SLIT2: variants seen among roughly 807,000 people sequenced by gnomAD.
The protein encoded by SLIT2 is slit homolog 2 protein.
A neutral mutation model predicts 185.7 loss-of-function variants in SLIT2; 41 were observed. The ratio of observed to expected loss-of-function variants is 0.22; its 90% CI spans 0.17 to 0.29. The LOEUF (loss-of-function observed/expected upper bound fraction) is 0.29. Ranked by LOEUF, SLIT2 falls within the 10% of genes least tolerant of loss-of-function variation. The pLI, the probability that SLIT2 is intolerant of heterozygous loss-of-function variation, is 1.00. For missense variants in SLIT2, 1,571 were observed against 1,909.0 expected (o/e 0.82, Z 3.30); for synonymous variants, 693 against 680.2 (o/e 1.02, Z -0.29).
At chr4:20,436,348 G>A (rs925114530) in intron 4 of SLIT2, among the ~76,000 whole-genome samples, 2 of 152,138 alleles carry the variant, frequency 1.3e-5, no homozygotes, top group Admixed American at 6.5e-5. Flanking sequence ...TCCTTCTACC[G>A]TATTTCCATG....
At chr4:20,370,659 A>G (rs1209479682) in intron 4 of SLIT2, among the ~76,000 whole-genome samples, 1 of 152,000 alleles carries the variant, frequency 6.6e-6, no homozygotes, top group African/African-American at 2.4e-5. Context: ...ATCATTCTCC[A>G]TTTCCCAAAT....
At chr4:20,480,926 T>C in intron 6 of SLIT2, 139 bp downstream of exon 6, 1 of 666,608 alleles carries the variant, frequency 1.5e-6, no homozygotes, top group Admixed American at 2.5e-5. Context: ...TCATGGTGAA[T>C]ACAGAGAAGA....
At chr4:20,255,388 C>A (rs1009615207) in intron 1 of SLIT2, among the ~76,000 whole-genome samples, 1 of 152,210 alleles carries the variant, frequency 6.6e-6, no homozygotes, top group Non-Finnish European at 1.5e-5. Context: ...TCCTTTCTCA[C>A]CTCTCCGAGC....
Position 20,315,688 on chromosome 4 carries a change from A to G in SLIT2, c.395+46807A>G, listed in dbSNP as rs562593602. On this transcript the variant is annotated intron_variant, in intron 4 of 36. Transcript: ENST00000504154. ...AATTTCAAGCTGTTAAAAATGTTCT[A>G]TTTAGGGTAGCATTGGCATATGTCT... Among the ~76,000 whole-genome samples the G allele has an allele frequency of 7.9e-5, 12 of 152,190 alleles. No homozygotes were observed. In the South Asian group the frequency reaches 2.3e-3, roughly 29 times the overall value.
At position 20,616,896 on chromosome 4, in the gene SLIT2, G is replaced by A. The variant is rs747067128; in HGVS notation, c.3848-14G>A. 1 of 1,578,226 alleles carries A rather than the reference G, an allele frequency of 6.3e-7. No homozygotes were observed. The highest frequency in any genetic ancestry group is 1.1e-5 in the South Asian group (1 of 87,186). On this transcript the variant is annotated splice_polypyrimidine_tract_variant and intron_variant, in intron 34 of 36. Transcript: ENST00000504154. ...CCCAGAGAGCCTGACCTCTGACCTG[G>A]TGTTCCTCCCCAGGCATGCCAGGGA...
chr4:20,525,225 TAA>T, intron 15 of SLIT2, 53 bp downstream of exon 15: 11 of 1,344,268 alleles, frequency 8.2e-6, no homozygotes, highest in Non-Finnish European at 1.2e-5. Flanking sequence ...CCTCACCTTA[TAA>T]AATATAGCTT....
At position 20,528,209 on chromosome 4, in the gene SLIT2, T is replaced by C; in HGVS notation, c.1463-740T>C. On this transcript the variant is annotated intron_variant, in intron 15 of 36. Transcript: ENST00000504154. The surrounding 1 kb of genome is among the most constrained non-coding windows in gnomAD (Gnocchi z 4.2). ...AACAGTATTACGTTTCCAGAACGTC[T>C]GTAGCTTTTCTCCTCCTTCCCTCCA... 1.9e-6 allele frequency: 1 copy of C among 531,252 alleles called. No individual in the cohort carries two copies. The allele number at this position is 531,252 out of a possible 1,614,324, so 32.9% of individuals were successfully genotyped here.
chr4:20,352,052 T>G (rs1721923277), intron 4 of SLIT2, among the ~76,000 whole-genome samples: 1 of 152,208 alleles, frequency 6.6e-6, no homozygotes, highest in African/African-American at 2.4e-5. Flanking sequence ...TGCTGCTTGT[T>G]AAATAGATTC....
At chr4:20,518,746 A>G (rs1422898435) in intron 11 of SLIT2, among the ~76,000 whole-genome samples, 2 of 141,036 alleles carry the variant, frequency 1.4e-5, no homozygotes, top group Non-Finnish European at 3.1e-5. Context: ...CTGGGACTAC[A>G]GGCGCCCGCC....
chr4:20,372,572 G>A (rs972759093), intron 4 of SLIT2, among the ~76,000 whole-genome samples: 1 of 151,834 alleles, frequency 6.6e-6, no homozygotes, highest in African/African-American at 2.4e-5. Context: ...GTGTTCTATA[G>A]CATGGATCCT....
chr4:20,285,940 C>G (rs981622429), intron 4 of SLIT2, among the ~76,000 whole-genome samples: 3 of 152,176 alleles, frequency 2.0e-5, no homozygotes, highest in Non-Finnish European at 4.4e-5. Flanking sequence ...AGTTGTGTAG[C>G]TCTCATAAAA....
intron 19 of SLIT2, among the ~76,000 whole-genome samples, chr4:20,540,291 G>GA (rs569255349): frequency 1.2e-3 from 157 of 133,352 alleles, no homozygotes; most frequent in Admixed American, 1.7e-3. Flanking sequence ...CCATCTCAAG[G>GA]AAAAAAAAAA....
intron 4 of SLIT2, among the ~76,000 whole-genome samples, chr4:20,339,175 A>T (rs1374292461): frequency 1.3e-5 from 2 of 151,846 alleles, no homozygotes; most frequent in East Asian, 3.9e-4. Context: ...TTCTGTATGG[A>T]TTACAATTAT....
At chr4:20,491,066 G>T (rs564021630) in intron 8 of SLIT2, among the ~76,000 whole-genome samples, 1 of 152,058 alleles carries the variant, frequency 6.6e-6, no homozygotes, top group African/African-American at 2.4e-5. Flanking sequence ...TTTAAAAATT[G>T]TTCCAAATAT....
At position 20,313,586 on chromosome 4, in the gene SLIT2, A is replaced by G. The variant is rs564786031; in HGVS notation, c.395+44705A>G. 1.1e-4 allele frequency among the ~76,000 whole-genome samples: 16 copies of G among 152,160 alleles called. No individual in the cohort carries two copies. The South Asian group carries it at 2.7e-3, about 26-fold the overall frequency. The stretch of plus-strand genomic sequence containing the variant: ...CTGCCTTCTTTTTTTCTTTTTTAGT[A>G]TATCCACTTTACTGTTTGTATGTGT... On this transcript the variant is annotated intron_variant, in intron 4 of 36. Coordinates refer to ENST00000504154, the MANE Select transcript of SLIT2 (RefSeq NM_004787.4).
chr4:20,494,603 T>C (rs1433916765), intron 9 of SLIT2, among the ~76,000 whole-genome samples: 1 of 151,878 alleles, frequency 6.6e-6, no homozygotes, highest in Non-Finnish European at 1.5e-5. Context: ...AGTGAAACCC[T>C]GTCTCTACTA....
chr4:20,470,776 A>G (rs914198738), intron 5 of SLIT2, among the ~76,000 whole-genome samples: 8 of 152,052 alleles, frequency 5.3e-5, no homozygotes, highest in African/African-American at 1.9e-4. Context: ...GGGTTTCACC[A>G]TGTTGGCCAG....
At chr4:20,570,439 G>A (rs558563092) in intron 29 of SLIT2, among the ~76,000 whole-genome samples, 230 of 151,792 alleles carry the variant, frequency 1.5e-3, no homozygotes, top group African/African-American at 5.4e-3. Flanking sequence ...AACTTGACTT[G>A]GAGCCCTTTG....
At chr4:20,415,916 G>T (rs1018817563) in intron 4 of SLIT2, among the ~76,000 whole-genome samples, 3 of 152,074 alleles carry the variant, frequency 2.0e-5, no homozygotes, top group Admixed American at 2.0e-4. Context: ...TGTGAGCGGG[G>T]TCTTTGATTT....
Sources: gnomAD v4.1 joint callset for allele counts (sites outside exome capture counted in the v4.1 genomes callset) on GRCh38, gnomAD v4.1.1 for gene constraint, Gnocchi (gnomAD v3.1) non-coding constraint, MANE v1.5 for transcripts, NCBI Gene and HGNC (gene_info 2026-07-23, HGNC 2026-07-21) for gene names.